RNF125: variants seen among roughly 807,000 people sequenced by gnomAD.
RNF125 encodes E3 ubiquitin-protein ligase RNF125.
A neutral mutation model predicts 26.0 loss-of-function variants in RNF125; 21 were observed. The ratio of observed to expected loss-of-function variants is 0.81; its 90% CI spans 0.57 to 1.16. RNF125 has a LOEUF of 1.16. Ranked by LOEUF, RNF125 falls within the 50% of genes most tolerant of loss-of-function variation. The pLI, the probability that RNF125 is intolerant of heterozygous loss-of-function variation, is 0.00. For missense variants in RNF125, 270 were observed against 299.4 expected (o/e 0.90, Z 0.72); for synonymous variants, 95 against 109.2 (o/e 0.87, Z 0.81).
At chr18:32,038,329 G>A (rs1206656285) in intron 2 of RNF125, among the ~76,000 whole-genome samples, 2 of 152,032 alleles carry the variant, frequency 1.3e-5, no homozygotes, top group African/African-American at 2.4e-5. Flanking sequence ...GATTACAGGC[G>A]TGAGCCATCT....
chr18:32,080,751 T>C, the RNF125 span, among the ~76,000 whole-genome samples: 1 of 152,136 alleles, frequency 6.6e-6, no homozygotes. Context: ...TAGCTGGGCG[T>C]GATGGCGGAC....
At chr18:32,054,243 G>A (rs886203195) in intron 4 of RNF125, among the ~76,000 whole-genome samples, 5 of 151,778 alleles carry the variant, frequency 3.3e-5, no homozygotes, top group Admixed American at 1.3e-4. Flanking sequence ...ACAGGCGTGC[G>A]CCACCATGCC....
rs76083707 is a variant in RNF125 at position 32,032,979 on chromosome 18, G to A, written c.165-4137G>A. Among the ~76,000 whole-genome samples, 453 of 152,310 alleles carry A rather than the reference G, an allele frequency of 3.0e-3. 2 individuals are homozygous for A. Among genetic ancestry groups the A allele is most frequent in the African/African-American group, 0.01 (430 of 41,588 alleles). On this transcript the variant is annotated intron_variant, in intron 1 of 5. Transcript: ENST00000217740. ...TTTAGCATGTTGTTTAACATGAGCC[G>A]ACCCTGACTTTCAGGGAGTGAAATG... is the stretch of plus-strand genomic sequence containing the variant.
At chr18:32,087,169 T>C in the RNF125 span, among the ~76,000 whole-genome samples, 10 of 152,086 alleles carry the variant, frequency 6.6e-5, no homozygotes, top group South Asian at 4.2e-4. Context: ...TCCTTTATAA[T>C]ATACCAGTAA....
chr18:32,048,134 G>A (rs1016172893), intron 4 of RNF125, among the ~76,000 whole-genome samples: 6 of 151,508 alleles, frequency 4.0e-5, no homozygotes, highest in East Asian at 2.0e-4. Flanking sequence ...GTCTCAGGCC[G>A]GGTGCAGTGG....
chr18:32,047,173 A>G (rs1456556906), intron 4 of RNF125, among the ~76,000 whole-genome samples: 1 of 152,146 alleles, frequency 6.6e-6, no homozygotes, highest in African/African-American at 2.4e-5. Context: ...AGTAGCTGGG[A>G]CTACAGGCGT....
chr18:32,055,979 C>CAAAAAAAAAA (rs67968645), intron 4 of RNF125, among the ~76,000 whole-genome samples: 7 of 78,862 alleles, frequency 8.9e-5, no homozygotes, highest in African/African-American at 2.6e-4. Flanking sequence ...AACTCCATCT[C>CAAAAAAAAAA]AAAAAAAAAA....
rs1331997228 is a variant in RNF125 at position 32,046,514 on chromosome 18, GT to G, written c.504+783del. On this transcript the variant is annotated intron_variant, in intron 4 of 5. Transcript: ENST00000217740. The stretch of plus-strand genomic sequence containing the variant: ...CAGGAGGCTGAGGCAGGAGAATGGT[GT>G]GAACCCGGGAGGCGGAGCTTGCAGT... Among the ~76,000 whole-genome samples the G allele has an allele frequency of 1.1e-4, 17 of 149,072 alleles. No individual in the cohort carries two copies. The Admixed American group carries it at 1.1e-3, about 10-fold the overall frequency.
In RNF125 at chr18:32,072,879, C is replaced by G. The variant is rs1275483581; in HGVS notation, c.*4495C>G. The stretch of plus-strand genomic sequence containing the variant: ...ACTAAAGATATGGTTCCAGGCAGAC[C>G]TCCTTAGAGACCTCCAGGCAGACCT... On this transcript the variant is annotated 3_prime_UTR_variant, in exon 6 of 6. Transcript: ENST00000217740. 6.6e-6 allele frequency: 1 copy of G among 152,076 alleles called. No individual in the cohort carries two copies. Among genetic ancestry groups the G allele is most frequent in the Non-Finnish European group, 1.5e-5 (1 of 67,912 alleles). The allele number at this position is 152,076 out of a possible 1,614,324, so 9.4% of individuals were successfully genotyped here. A position where few individuals can be genotyped will look rare whatever the true frequency, so the allele number is the denominator to read the frequency against.
intron 5 of RNF125, among the ~76,000 whole-genome samples, chr18:32,067,868 G>A (rs1281138648): frequency 1.3e-5 from 2 of 152,152 alleles, no homozygotes; most frequent in African/African-American, 4.8e-5. Context: ...CACATAGGAG[G>A]CAAGGAGAAA....
intron 4 of RNF125, among the ~76,000 whole-genome samples, chr18:32,051,934 C>T (rs903680541): frequency 4.6e-5 from 7 of 151,510 alleles, no homozygotes; most frequent in Admixed American, 2.6e-4. Flanking sequence ...GTGATCTGCC[C>T]GCCTCAGCCT....
At chr18:32,058,132 T>TA (rs780204451) in intron 4 of RNF125, among the ~76,000 whole-genome samples, 1,227 of 80,374 alleles carry the variant, frequency 0.015, 6 homozygotes, top group African/African-American at 0.038. Flanking sequence ...ACCCCATCTC[T>TA]AAAAAAAAAA....
chr18:32,050,201 G>A (rs527917200), intron 4 of RNF125, among the ~76,000 whole-genome samples: 51 of 152,234 alleles, frequency 3.4e-4, no homozygotes, highest in Non-Finnish European at 6.5e-4. Flanking sequence ...TTCTTTCTGA[G>A]CTGCTCAAGA....
At chr18:32,086,355 G>GTTT in the RNF125 span, among the ~76,000 whole-genome samples, 2 of 133,684 alleles carry the variant, frequency 1.5e-5, no homozygotes, top group African/African-American at 2.8e-5. Flanking sequence ...AGATATTTGT[G>GTTT]TTTTTTTTTT....
chr18:32,037,524 C>T (rs1294505212), intron 2 of RNF125, among the ~76,000 whole-genome samples: 3 of 152,002 alleles, frequency 2.0e-5, no homozygotes, highest in African/African-American at 7.2e-5. Context: ...AGGCACCTGC[C>T]ATCACGCCTG....
In RNF125 at chr18:32,072,592, T is replaced by C. The variant is rs1213033277; in HGVS notation, c.*4208T>C. On this transcript the variant is annotated 3_prime_UTR_variant, in exon 6 of 6. Transcript: ENST00000217740. ...CTGAATTATTTTGTGTTCTGAATTA[T>C]TTTGAGCTCTAAAATGGTAAAGTAC... 1.3e-5 allele frequency: 2 copies of C among 152,220 alleles called. No homozygotes were observed. The highest frequency in any genetic ancestry group is 4.8e-5 in the African/African-American group (2 of 41,460). The allele number at this position is 152,220 out of a possible 1,614,324, so 9.4% of individuals were successfully genotyped here. A position where few individuals can be genotyped will look rare whatever the true frequency, so the allele number is the denominator to read the frequency against.
At chr18:32,024,254 G>A (rs1285492351) in intron 1 of RNF125, among the ~76,000 whole-genome samples, 15 of 124,184 alleles carry the variant, frequency 1.2e-4, no homozygotes, top group African/African-American at 3.0e-4. Context: ...CCAGGCTGGC[G>A]TGCAGTGGCA....
chr18:32,082,584 G>T, the RNF125 span, among the ~76,000 whole-genome samples: 4 of 152,110 alleles, frequency 2.6e-5, no homozygotes, highest in Admixed American at 2.6e-4. Flanking sequence ...AGTGTACTGG[G>T]ATATACATCG....
At chr18:32,078,205 C>T (rs184223327), downstream of RNF125, among the ~76,000 whole-genome samples, 7 of 152,350 alleles carry the variant, frequency 4.6e-5, no homozygotes, top group East Asian at 1.4e-3. Context: ...GTATAACTTA[C>T]ACATTTCAAA....
Sources: allele counts gnomAD v4.1 joint callset (sites outside exome capture counted in the v4.1 genomes callset), GRCh38; gene constraint gnomAD v4.1.1; transcripts MANE v1.5; gene names NCBI Gene and HGNC (gene_info 2026-07-23, HGNC 2026-07-21).